Variants in BIVM observed in about 807,000 individuals in gnomAD.
The protein encoded by BIVM is basic immunoglobulin-like variable motif-containing protein.
A neutral mutation model predicts 61.4 loss-of-function variants in BIVM; 31 were observed. The observed-to-expected ratio is 0.51, with a 90% CI of 0.38 to 0.68. The LOEUF is 0.68. BIVM is among the 30% of genes least tolerant of loss of function. BIVM has a pLI of 0.00. For synonymous variants in BIVM, 189 were observed against 210.7 expected (o/e 0.90, Z 0.89); for missense variants, 526 against 596.0 (o/e 0.88, Z 1.22).
At chr13:102,809,505 G>A (rs7320965) in intron 3 of BIVM, among the ~76,000 whole-genome samples, 7,884 of 152,130 alleles carry the variant, frequency 0.052, 232 homozygotes, top group East Asian at 0.1. Flanking sequence ...TAATTATGTC[G>A]AAGTGTTTGA....
In BIVM at chr13:102,829,267, C is replaced by T. The variant is rs1209880396; in HGVS notation, c.902-2298C>T. Among the ~76,000 whole-genome samples, 3 of 152,140 alleles carry T rather than the reference C, an allele frequency of 2.0e-5. No homozygotes were observed. The East Asian group carries it at 5.8e-4, about 29-fold the overall frequency. Reference sequence around the variant, plus strand: ...TAACTTGAAGTAAGAAACATAATCTCAAAGGGACCAGAATTCTCTTATTGG... The same window carrying T: ...TAACTTGAAGTAAGAAACATAATCTTAAAGGGACCAGAATTCTCTTATTGG... On this transcript the variant is annotated intron_variant, in intron 7 of 10. Coordinates refer to ENST00000257336, the MANE Select transcript of BIVM (RefSeq NM_017693.4).
In BIVM at chr13:102,839,699, C is replaced by A. The variant is rs548854092; in HGVS notation, c.1346C>A (p.Ala449Asp). The A allele has an allele frequency of 1.2e-6, 2 of 1,614,126 alleles. No homozygotes were observed. The highest frequency in any genetic ancestry group is 3.3e-5 in the Admixed American group (2 of 60,020). The change falls in exon 11 of 11, where the codon GCC (alanine) becomes GAC (aspartate). Residue 449 changes from alanine to aspartate, a missense_variant. Coordinates refer to ENST00000257336, the MANE Select transcript of BIVM (RefSeq NM_017693.4). Reference protein sequence around the residue: ...SQPPTHAQGIAKSESEDNISK... With the variant: ...SQPPTHAQGIDKSESEDNISK... The stretch of plus-strand genomic sequence containing the variant: ...CCTCCAACACATGCCCAGGGAATTG[C>A]CAAATCTGAGAGTGAAGACAATATT...
intron 1 of BIVM, 126 bp downstream of exon 1, chr13:102,799,647 G>T (rs1878609517): frequency 6.6e-6 from 1 of 152,276 alleles, no homozygotes; most frequent in African/African-American, 2.4e-5. Flanking sequence ...AGCCACCTGG[G>T]CATTCAAAAT....
intron 7 of BIVM, among the ~76,000 whole-genome samples, chr13:102,825,466 AG>A (rs1333768309): frequency 6.6e-6 from 1 of 152,206 alleles, no homozygotes; most frequent in Non-Finnish European, 1.5e-5. Flanking sequence ...CACAGGCTGC[AG>A]TCTGGAGACT....
chr13:102,805,617 A>G (rs1180378939), intron 2 of BIVM, among the ~76,000 whole-genome samples: 4 of 152,192 alleles, frequency 2.6e-5, no homozygotes, highest in East Asian at 1.9e-4. Context: ...CATTGCCACA[A>G]TCATTTATAG....
rs369491047 is a variant in BIVM at position 102,804,505 on chromosome 13, G to T, written c.-206-802G>T. Among the ~76,000 whole-genome samples the T allele has an allele frequency of 1.4e-4, 22 of 152,254 alleles. No individual in the cohort carries two copies. The East Asian group carries it at 3.5e-3, about 24-fold the overall frequency. ...TTTTTGTGTTTTTTAGTAGAGACAG[G>T]GTTTCACCCTGTGTGCCAGGCTGGT... On this transcript the variant is annotated intron_variant, in intron 1 of 10. Transcript: ENST00000257336.
At position 102,807,205 on chromosome 13, in the gene BIVM, T is replaced by G; in HGVS notation, c.-63T>G. On this transcript the variant is annotated 5_prime_UTR_variant, in exon 3 of 11. Coordinates refer to ENST00000257336, the MANE Select transcript of BIVM (RefSeq NM_017693.4). The surrounding 1 kb of genome is among the most constrained non-coding windows in gnomAD (Gnocchi z 4.0). ...TGCTGTAAACAATTGTCAAAGTTGT[T>G]TATCAAGAAACAGATAGAGTTGCAA... 1 of 1,494,450 alleles carries G rather than the reference T, an allele frequency of 6.7e-7. No homozygotes were observed. The highest frequency in any genetic ancestry group is 8.9e-7 in the Non-Finnish European group (1 of 1,118,590). 92.6% of individuals were successfully genotyped at this position (1,494,450 alleles called of 1,614,324 possible).
At chr13:102,834,613 C>T in intron 9 of BIVM, 61 bp downstream of exon 9, 3 of 1,462,592 alleles carry the variant, frequency 2.1e-6, no homozygotes, top group Non-Finnish European at 2.7e-6. Context: ...GTGAAATGCA[C>T]AGATCTTAGT....
At chr13:102,838,921 A>G (rs1881659756) in intron 10 of BIVM, among the ~76,000 whole-genome samples, 182 bp downstream of exon 10, 1 of 152,194 alleles carries the variant, frequency 6.6e-6, no homozygotes, top group African/African-American at 2.4e-5. Flanking sequence ...GGAGTCATAA[A>G]GGAATGGTAG....
At chr13:102,825,986 C>A (rs1233854802) in intron 7 of BIVM, among the ~76,000 whole-genome samples, 1 of 152,126 alleles carries the variant, frequency 6.6e-6, no homozygotes, top group African/African-American at 2.4e-5. Context: ...AGGCCAAGTT[C>A]TTACTCATTT....
At chr13:102,814,272 G>A (rs527908843) in intron 3 of BIVM, among the ~76,000 whole-genome samples, 39 of 152,238 alleles carry the variant, frequency 2.6e-4, no homozygotes, top group Admixed American at 2.2e-3. Flanking sequence ...CTCAAACGGC[G>A]CTTTCACTTT....
chr13:102,816,631 T>C (rs1256099313), intron 4 of BIVM, 77 bp downstream of exon 4: 1 of 1,257,728 alleles, frequency 8.0e-7, no homozygotes, highest in African/African-American at 1.6e-5. Flanking sequence ...AGTTTACAAA[T>C]TAATACATTA....
intron 3 of BIVM, among the ~76,000 whole-genome samples, chr13:102,814,340 T>C (rs1879716382): frequency 6.6e-6 from 1 of 152,190 alleles, no homozygotes; most frequent in African/African-American, 2.4e-5. Context: ...CAGCTCTTTC[T>C]GTGGCAGTGC....
At chr13:102,819,802 C>T (rs555128852) in intron 4 of BIVM, among the ~76,000 whole-genome samples, 25 of 152,084 alleles carry the variant, frequency 1.6e-4, no homozygotes, top group African/African-American at 5.5e-4. Context: ...GTATGTGTGC[C>T]AATATGCATA....
chr13:102,838,773 C>A, intron 10 of BIVM, 34 bp downstream of exon 10: 2 of 1,585,112 alleles, frequency 1.3e-6, no homozygotes, highest in South Asian at 2.3e-5. Flanking sequence ...GAAGGCATTT[C>A]CCAGCTGACC....
chr13:102,812,588 T>C (rs967000326), intron 3 of BIVM, among the ~76,000 whole-genome samples: 1 of 152,204 alleles, frequency 6.6e-6, no homozygotes, highest in Non-Finnish European at 1.5e-5. Flanking sequence ...GGTATACATT[T>C]AAGGGCTTCT....
chr13:102,814,350 C>G (rs371381787), intron 3 of BIVM, among the ~76,000 whole-genome samples: 4 of 151,998 alleles, frequency 2.6e-5, no homozygotes, highest in African/African-American at 9.7e-5. Context: ...TGTGGCAGTG[C>G]GGGCATTTTA....
At chr13:102,812,282 G>A (rs940026069) in intron 3 of BIVM, among the ~76,000 whole-genome samples, 8 of 151,912 alleles carry the variant, frequency 5.3e-5, no homozygotes, top group African/African-American at 9.7e-5. Context: ...TACATCTTTC[G>A]TTAGTTCTTT....
At chr13:102,805,920 G>T (rs1402250165) in intron 2 of BIVM, among the ~76,000 whole-genome samples, 2 of 152,094 alleles carry the variant, frequency 1.3e-5, no homozygotes, top group African/African-American at 4.8e-5. Flanking sequence ...GTGGACATTT[G>T]GGTTGTTTCC....
Sources: allele counts gnomAD v4.1 joint callset (sites outside exome capture counted in the v4.1 genomes callset), GRCh38; gene constraint gnomAD v4.1.1; non-coding constraint Gnocchi (gnomAD v3.1); transcripts MANE v1.5; gene names NCBI Gene and HGNC (gene_info 2026-07-23, HGNC 2026-07-21).